The following GRM8 variants were observed in gnomAD, a reference collection of about 807,000 sequenced individuals.
GRM8 encodes the protein metabotropic glutamate receptor 8.
Under a neutral mutation model 87.2 loss-of-function variants are expected in GRM8, and 47 were observed. The observed-to-expected ratio is 0.54, with a 90% CI of 0.43 to 0.69. GRM8 has a LOEUF of 0.69. Among genes scored for constraint, GRM8 ranks in the 30% least tolerant of loss-of-function variants. The pLI, the probability that GRM8 is intolerant of heterozygous loss-of-function variation, is 0.00. For synonymous variants in GRM8, 396 were observed against 404.5 expected (o/e 0.98, Z 0.25); for missense variants, 1,019 against 1,139.2 (o/e 0.89, Z 1.52).
chr7:126,511,045 T>C (rs893859839), intron 9 of GRM8: 2 of 152,152 alleles, frequency 1.3e-5, no homozygotes, highest in Non-Finnish European at 2.9e-5. Context: ...GAAGATATTC[T>C]TACAATTCAT....
At chr7:126,601,739 A>C in intron 8 of GRM8, among the ~76,000 whole-genome samples, 1 of 147,574 alleles carries the variant, frequency 6.8e-6, no homozygotes, top group African/African-American at 2.5e-5. Flanking sequence ...TCTTTTGAGA[A>C]GTGTCTGTTC....
At chr7:126,998,764 C>CA (rs895330905) in intron 3 of GRM8, among the ~76,000 whole-genome samples, 9 of 150,646 alleles carry the variant, frequency 6.0e-5, no homozygotes, top group Admixed American at 1.3e-4. Flanking sequence ...ATTGAAGATA[C>CA]AAAAAAAATG....
chr7:126,948,953 T>C (rs1337288074), intron 3 of GRM8, among the ~76,000 whole-genome samples: 1 of 152,210 alleles, frequency 6.6e-6, no homozygotes, highest in East Asian at 1.9e-4. Context: ...CTAACAGATA[T>C]AGGTTAAATT....
chr7:126,705,587 G>GA (rs1810415358), intron 7 of GRM8, among the ~76,000 whole-genome samples: 1 of 152,088 alleles, frequency 6.6e-6, no homozygotes, highest in Non-Finnish European at 1.5e-5. Context: ...TATATGTATG[G>GA]ACGTATATGA....
At chr7:127,226,904 G>A (rs1797366541) in intron 2 of GRM8, among the ~76,000 whole-genome samples, 1 of 152,186 alleles carries the variant, frequency 6.6e-6, no homozygotes, top group Non-Finnish European at 1.5e-5. Flanking sequence ...TATTGTATTA[G>A]TACATAATGC....
At chr7:126,941,121 A>G (rs1806871511) in intron 3 of GRM8, among the ~76,000 whole-genome samples, 1 of 152,182 alleles carries the variant, frequency 6.6e-6, no homozygotes, top group Non-Finnish European at 1.5e-5. Context: ...TTGTCATCAT[A>G]CATGGGGACT....
At chr7:126,826,373 C>A (rs944805788) in intron 6 of GRM8, among the ~76,000 whole-genome samples, 3 of 152,188 alleles carry the variant, frequency 2.0e-5, no homozygotes, top group African/African-American at 7.2e-5. Context: ...ACATCCTCTC[C>A]AGCACCTGTT....
intron 7 of GRM8, among the ~76,000 whole-genome samples, chr7:126,764,335 G>T (rs1423009071): frequency 6.6e-6 from 1 of 151,754 alleles, no homozygotes; most frequent in Non-Finnish European, 1.5e-5. Context: ...TAGTTTTTTT[G>T]TTTTGTATTT....
At chr7:126,991,414 C>T (rs963310766) in intron 3 of GRM8, among the ~76,000 whole-genome samples, 1 of 152,116 alleles carries the variant, frequency 6.6e-6, no homozygotes, top group African/African-American at 2.4e-5. Flanking sequence ...TGTTCCGAAG[C>T]CTAGAGACTT....
At chr7:126,614,778 T>C (rs1799280897) in intron 7 of GRM8, among the ~76,000 whole-genome samples, 2 of 152,136 alleles carry the variant, frequency 1.3e-5, no homozygotes, top group African/African-American at 4.8e-5. Context: ...GTATCAGTGA[T>C]TGAAGATCAA....
chr7:127,108,243 C>A (rs1483309621), intron 2 of GRM8, among the ~76,000 whole-genome samples: 2 of 152,146 alleles, frequency 1.3e-5, no homozygotes, highest in African/African-American at 4.8e-5. Flanking sequence ...AACCACACAC[C>A]AAATCTTGCC....
At chr7:126,636,481 G>C (rs1285133986) in intron 7 of GRM8, among the ~76,000 whole-genome samples, 2 of 151,900 alleles carry the variant, frequency 1.3e-5, no homozygotes, top group Non-Finnish European at 2.9e-5. Context: ...GTATTGTATA[G>C]GTAATAATGA....
At chr7:126,737,195 C>T (rs1007733114) in intron 7 of GRM8, among the ~76,000 whole-genome samples, 5 of 151,998 alleles carry the variant, frequency 3.3e-5, no homozygotes, top group Non-Finnish European at 5.9e-5. Context: ...TATTGTAAAG[C>T]CTAAGACCAG....
intron 9 of GRM8, among the ~76,000 whole-genome samples, chr7:126,477,926 T>G (rs2150582030): frequency 6.6e-6 from 1 of 152,248 alleles, no homozygotes; most frequent in African/African-American, 2.4e-5. Flanking sequence ...TGCAGTTCTC[T>G]TTCCCTCTTC....
intron 7 of GRM8, among the ~76,000 whole-genome samples, chr7:126,736,852 A>G (rs1814286501): frequency 1.3e-5 from 2 of 152,040 alleles, no homozygotes; most frequent in Admixed American, 6.6e-5. Context: ...TTTCAATAAA[A>G]TACAGTCTTT....
intron 2 of GRM8, among the ~76,000 whole-genome samples, chr7:127,232,712 T>G (rs1231175334): frequency 1.3e-5 from 2 of 152,236 alleles, no homozygotes; most frequent in African/African-American, 2.4e-5. Flanking sequence ...CTCCTCATTA[T>G]CATCATCATA....
At chr7:126,901,098 G>A (rs1160065406) in intron 6 of GRM8, among the ~76,000 whole-genome samples, 3 of 152,032 alleles carry the variant, frequency 2.0e-5, no homozygotes, top group South Asian at 2.1e-4. Context: ...CTGTCATCAC[G>A]CTTCCTCTCG....
intron 3 of GRM8, among the ~76,000 whole-genome samples, chr7:126,966,466 C>T (rs1290630538): frequency 6.6e-6 from 1 of 152,034 alleles, no homozygotes; most frequent in Non-Finnish European, 1.5e-5. Flanking sequence ...GCAATTATTT[C>T]ACCTTAAAAG....
At chr7:126,477,085 T>C (rs960510234) in intron 9 of GRM8, among the ~76,000 whole-genome samples, 2 of 152,140 alleles carry the variant, frequency 1.3e-5, no homozygotes, top group African/African-American at 2.4e-5. Context: ...TTCTAACATA[T>C]GGTACAACAT....
Sources: allele counts gnomAD v4.1 joint callset (sites outside exome capture counted in the v4.1 genomes callset), GRCh38; gene constraint gnomAD v4.1.1; transcripts MANE v1.5; gene names NCBI Gene and HGNC (gene_info 2026-07-23, HGNC 2026-07-21).